Variants in CRLF3 observed in about 807,000 individuals in gnomAD.
CRLF3 encodes cytokine receptor-like factor 3.
A neutral mutation model predicts 55.0 loss-of-function variants in CRLF3; 33 were observed. The ratio of observed to expected loss-of-function variants is 0.60; its 90% CI spans 0.46 to 0.80. CRLF3 has a LOEUF of 0.80. Among genes scored for constraint, CRLF3 ranks in the 30% least tolerant of loss-of-function variants. The pLI is 0.00. For missense variants in CRLF3, 494 were observed against 538.4 expected, an observed-to-expected ratio of 0.92 and a Z score of 0.82; for synonymous variants, 238 against 196.8, an observed-to-expected ratio of 1.21 and a Z score of -1.75.
intron 1 of CRLF3, among the ~76,000 whole-genome samples, chr17:30,819,277 T>TA (rs1567669690): frequency 6.6e-6 from 1 of 152,194 alleles, no homozygotes; most frequent in Non-Finnish European, 1.5e-5. Flanking sequence ...ACACACAGAC[T>TA]AAAATACTGG....
chr17:30,811,907 G>A (rs537393357), intron 1 of CRLF3, among the ~76,000 whole-genome samples: 2 of 144,710 alleles, frequency 1.4e-5, no homozygotes, highest in African/African-American at 5.1e-5. Flanking sequence ...TCAGGAGATC[G>A]AGACCATCCT....
intron 1 of CRLF3, among the ~76,000 whole-genome samples, chr17:30,817,704 G>A (rs1361889491): frequency 1.4e-5 from 2 of 147,906 alleles, no homozygotes; most frequent in Non-Finnish European, 3.0e-5. Flanking sequence ...TCAACAGATG[G>A]AGACCATCCT....
At chr17:30,813,507 G>C (rs1335083486) in intron 1 of CRLF3, among the ~76,000 whole-genome samples, 1 of 152,130 alleles carries the variant, frequency 6.6e-6, no homozygotes, top group Non-Finnish European at 1.5e-5. Context: ...GTTGTCAGTT[G>C]GAGGAGCAGG....
chr17:30,797,779 T>TTTG (rs1451752849), intron 2 of CRLF3, among the ~76,000 whole-genome samples: 2 of 143,064 alleles, frequency 1.4e-5, no homozygotes, highest in Non-Finnish European at 3.1e-5. Context: ...TAGGGTGTTT[T>TTTG]TTTTTTTTTT....
In CRLF3 at chr17:30,792,497, G is replaced by A. The variant is rs200175473; in HGVS notation, c.902C>T (p.Ser301Leu). 11 of 1,612,908 alleles carry A rather than the reference G, an allele frequency of 6.8e-6. No homozygotes were observed. In the East Asian group the frequency reaches 1.6e-4, roughly 23 times the overall value. Residue 301 changes from serine (S) to leucine (L), a missense_variant, in exon 6 of 8, where the codon TCG becomes TTG. Transcript: ENST00000324238. ...CGGAGCTCTGGAGTAGAGAACACCC[G>A]ATGATTCAGAATCGTTCCGAAGTGC... is the stretch of plus-strand genomic sequence containing the variant. ...NIALRNDSESSGVLYSRAPTY... is the reference protein window; with the variant it reads ...NIALRNDSESLGVLYSRAPTY...
At chr17:30,791,688 TTTTA>T (rs768664230) in intron 6 of CRLF3, among the ~76,000 whole-genome samples, 1 of 149,044 alleles carries the variant, frequency 6.7e-6, no homozygotes, top group Non-Finnish European at 1.5e-5. Context: ...CGGCTAATTT[TTTTA>T]TTTATAGTAG....
In CRLF3 at chr17:30,803,760, T is replaced by C. The variant is rs563409583; in HGVS notation, c.337+141A>G. ...GAGATGTGCCTTTCACCTGCCATGA[T>C]TGTGAGGCCTCCCCAGCCACATGGA... On this transcript the variant is annotated intron_variant, in intron 2 of 7. Transcript: ENST00000324238. The C allele has an allele frequency of 3.0e-5, 21 of 695,086 alleles. No individual in the cohort carries two copies. In the South Asian group the frequency reaches 3.3e-4, roughly 11 times the overall value. 43.1% of individuals were successfully genotyped at this position (695,086 alleles called of 1,614,324 possible). A position where few individuals can be genotyped will look rare whatever the true frequency, so the allele number is the denominator to read the frequency against.
intron 1 of CRLF3, among the ~76,000 whole-genome samples, chr17:30,811,308 A>G (rs1477287949): frequency 6.6e-6 from 1 of 151,478 alleles, no homozygotes; most frequent in African/African-American, 2.4e-5. Context: ...CACAAAAATT[A>G]GCTGGGTTTG....
chr17:30,798,230 T>C (rs1188056106), intron 2 of CRLF3, among the ~76,000 whole-genome samples: 1 of 151,460 alleles, frequency 6.6e-6, no homozygotes, highest in Non-Finnish European at 1.5e-5. Flanking sequence ...ATACAAAAAT[T>C]AGTTGGGTGT....
At chr17:30,795,070 A>G (rs940837599) in intron 4 of CRLF3, among the ~76,000 whole-genome samples, 1 of 152,214 alleles carries the variant, frequency 6.6e-6, no homozygotes, top group Non-Finnish European at 1.5e-5. Flanking sequence ...AAATACTTAT[A>G]GCAAAAAACT....
chr17:30,821,922 T>TA (rs1478984588), intron 1 of CRLF3, among the ~76,000 whole-genome samples: 1 of 151,580 alleles, frequency 6.6e-6, no homozygotes, highest in Non-Finnish European at 1.5e-5. Context: ...TATATCTCAA[T>TA]AAAAAAAGTC....
At chr17:30,805,944 G>A (rs779631854) in intron 1 of CRLF3, among the ~76,000 whole-genome samples, 35 of 152,126 alleles carry the variant, frequency 2.3e-4, no homozygotes, top group Admixed American at 1.2e-3. Context: ...GATCACCTGA[G>A]CCCAGGGGGT....
At chr17:30,784,808 G>A in intron 7 of CRLF3, 1 of 200,124 alleles carries the variant, frequency 5.0e-6, no homozygotes, top group Non-Finnish European at 1.0e-5. Context: ...GCCCAGGCTG[G>A]AGTGCAGTGG....
At chr17:30,787,182 T>C (rs1190267836) in intron 6 of CRLF3, among the ~76,000 whole-genome samples, 1 of 152,228 alleles carries the variant, frequency 6.6e-6, no homozygotes, top group Non-Finnish European at 1.5e-5. Flanking sequence ...CACACTTCTA[T>C]TTTATATTCT....
intron 6 of CRLF3, 170 bp from the exon 7 acceptor site, chr17:30,786,201 A>G: frequency 1.9e-6 from 1 of 516,490 alleles, no homozygotes; most frequent in Non-Finnish European, 3.4e-6. Flanking sequence ...TAATTATTTT[A>G]TATCTATCTA....
intron 1 of CRLF3, chr17:30,809,850 C>T (rs1005537122): frequency 6.6e-6 from 1 of 152,146 alleles, no homozygotes; most frequent in Non-Finnish European, 1.5e-5. Flanking sequence ...GGATTTTCAT[C>T]ATGTGGCCCA....
chr17:30,789,244 C>G (rs1405766216), intron 6 of CRLF3, among the ~76,000 whole-genome samples: 1 of 152,172 alleles, frequency 6.6e-6, no homozygotes, highest in Non-Finnish European at 1.5e-5. Flanking sequence ...AGAGACTCAA[C>G]AGTTTATTGA....
At chr17:30,791,639 TC>T (rs1373987322) in intron 6 of CRLF3, among the ~76,000 whole-genome samples, 2 of 151,190 alleles carry the variant, frequency 1.3e-5, no homozygotes, top group African/African-American at 4.9e-5. Flanking sequence ...TGCCTCAGCC[TC>T]CCGAGTAGCT....
At chr17:30,808,277 ATTTTTTTTTTT>A (rs71138901) in intron 1 of CRLF3, among the ~76,000 whole-genome samples, 4 of 54,862 alleles carry the variant, frequency 7.3e-5, no homozygotes, top group African/African-American at 2.7e-4. Flanking sequence ...TAGAACCTAT[ATTTTTTTTTTT>A]TTTTTTTTTT....
Sources: gnomAD v4.1 joint callset for allele counts (sites outside exome capture counted in the v4.1 genomes callset) on GRCh38, gnomAD v4.1.1 for gene constraint, MANE v1.5 for transcripts, NCBI Gene and HGNC (gene_info 2026-07-23, HGNC 2026-07-21) for gene names.